The following PRDM15 variants were observed in gnomAD, a reference collection of about 807,000 sequenced individuals.
PRDM15 encodes the protein PR/SET domain 15, also known as PR domain zinc finger protein 15.
A neutral mutation model predicts 128.6 loss-of-function variants in PRDM15; 64 were observed. The ratio of observed to expected loss-of-function variants is 0.50; its 90% CI spans 0.41 to 0.61. PRDM15 has a LOEUF of 0.61. PRDM15 is among the 20% of genes least tolerant of loss of function. The pLI is 0.00. For missense variants in PRDM15, 1,242 were observed against 1,569.1 expected, an observed-to-expected ratio of 0.79 and a Z score of 3.52; for synonymous variants, 615 against 621.8, an observed-to-expected ratio of 0.99 and a Z score of 0.16.
intron 18 of PRDM15, among the ~76,000 whole-genome samples, chr21:41,819,182 T>G (rs144995049): frequency 6.6e-6 from 1 of 152,230 alleles, no homozygotes; most frequent in Admixed American, 6.5e-5. Flanking sequence ...TTTCCTTAAG[T>G]AAGCGACTGA....
At chr21:41,846,799 T>G (rs1283713161) in intron 6 of PRDM15, among the ~76,000 whole-genome samples, 1 of 152,230 alleles carries the variant, frequency 6.6e-6, no homozygotes, top group Non-Finnish European at 1.5e-5. Context: ...GGCTGGCTCC[T>G]GGCCCCTGGC....
intron 19 of PRDM15, chr21:41,814,562 C>G (rs1237295148): frequency 7.5e-6 from 1 of 132,822 alleles, no homozygotes; most frequent in Non-Finnish European, 1.6e-5. Context: ...TTAGTGATTG[C>G]GCAGCGTGCT....
chr21:41,821,311 ACCAGGGCAC>A lies in PRDM15; in HGVS notation c.1897-90_1897-82del, dbSNP rs1303319957. The A allele has an allele frequency of 2.0e-6, 3 of 1,526,204 alleles. No individual in the cohort carries two copies. The African/African-American group carries it at 4.1e-5, about 21-fold the overall frequency. 94.5% of individuals were successfully genotyped at this position (1,526,204 alleles called of 1,614,324 possible). A position where few individuals can be genotyped will look rare whatever the true frequency, so the allele number is the denominator to read the frequency against. ...TTAGCTAATGAGGTCGTGTCCACAAACCAGGGCACCCGACACGCCCTGAGAGCCCATGAC... is the reference window on the plus strand; with the variant it reads ...TTAGCTAATGAGGTCGTGTCCACAAACCGACACGCCCTGAGAGCCCATGAC... On this transcript the variant is annotated intron_variant, in intron 15 of 23. Transcript: ENST00000398548. This position sits in a 1 kb window ranked among gnomAD's most constrained non-coding sequence, Gnocchi z 5.4.
At chr21:41,806,031 C>G in intron 21 of PRDM15, among the ~76,000 whole-genome samples, 1 of 133,578 alleles carries the variant, frequency 7.5e-6, no homozygotes, top group African/African-American at 2.8e-5. Flanking sequence ...CCACCACCAC[C>G]ATCACCACCA....
At chr21:41,805,500 C>A (rs529407979) in intron 21 of PRDM15, among the ~76,000 whole-genome samples, 1 of 152,266 alleles carries the variant, frequency 6.6e-6, no homozygotes, top group East Asian at 1.9e-4. Flanking sequence ...AATTTACATT[C>A]CATGACTAGG....
chr21:41,861,377 C>T (rs1170782706), intron 1 of PRDM15, among the ~76,000 whole-genome samples: 1 of 152,180 alleles, frequency 6.6e-6, no homozygotes, highest in Non-Finnish European at 1.5e-5. Flanking sequence ...ACCCCCCACA[C>T]ACATATATTC....
At position 41,854,568 on chromosome 21, in the gene PRDM15, T is replaced by G; in HGVS notation, c.536A>C (p.His179Pro). The G allele has an allele frequency of 6.2e-7, 1 of 1,612,874 alleles. No homozygotes were observed. Among genetic ancestry groups the G allele is most frequent in the Non-Finnish European group, 8.5e-7 (1 of 1,179,952 alleles). ...PMLKQAGSGV[H>P]AAGTPENSAP... The stretch of plus-strand genomic sequence containing the variant: ...CCGGATCGGGGGCCGCCACATACCG[T>G]GGACGCCAGAGCCGGCCTGCTTCAG... The change falls in exon 5 of 24, where the codon CAC (histidine) becomes CCC (proline). Residue 179 changes from histidine to proline, a missense_variant and splice_region_variant. His to Pro is a moderately conservative substitution (Grantham distance 77). Coordinates refer to ENST00000398548, the MANE Select transcript of PRDM15 (RefSeq NM_001040424.3). The surrounding 1 kb of genome is among the most constrained non-coding windows in gnomAD (Gnocchi z 4.6).
At chr21:41,808,361 T>C (rs1006347161) in intron 21 of PRDM15, among the ~76,000 whole-genome samples, 2 of 152,180 alleles carry the variant, frequency 1.3e-5, no homozygotes, top group African/African-American at 4.8e-5. Context: ...CAGGGCAGAG[T>C]ATGCAGCCAC....
chr21:41,862,601 T>G lies in PRDM15; in HGVS notation c.-9-2229A>C, dbSNP rs2063857186. On this transcript the variant is annotated intron_variant, in intron 1 of 23. Coordinates refer to ENST00000398548, the MANE Select transcript of PRDM15 (RefSeq NM_001040424.3). This position sits in a 1 kb window ranked among gnomAD's most constrained non-coding sequence, Gnocchi z 4.1. Reference sequence around the variant, plus strand: ...CGAGTCCTGGCAATAAGGGTCCCGATTAGCAGCATCTGGTCCCCAAAATGA... The same window carrying G: ...CGAGTCCTGGCAATAAGGGTCCCGAGTAGCAGCATCTGGTCCCCAAAATGA... Among the ~76,000 whole-genome samples, 1 of 152,156 alleles carries G rather than the reference T, an allele frequency of 6.6e-6. No homozygotes were observed. Among genetic ancestry groups the G allele is most frequent in the Admixed American group, 6.5e-5 (1 of 15,270 alleles).
intron 1 of PRDM15, chr21:41,861,998 G>A: frequency 6.2e-7 from 1 of 1,612,370 alleles, no homozygotes; most frequent in Non-Finnish European, 8.5e-7. Context: ...GGCCTTGCCT[G>A]CCCCAGTTCC....
intron 1 of PRDM15, among the ~76,000 whole-genome samples, chr21:41,864,158 G>A (rs919351249): frequency 2.0e-5 from 3 of 152,084 alleles, no homozygotes; most frequent in African/African-American, 7.2e-5. Flanking sequence ...TTTTTACAAA[G>A]ACAAAAGCGG....
chr21:41,804,559 T>A lies in PRDM15; in HGVS notation c.2708A>T (p.Asp903Val). Residue 903 changes from aspartate (D) to valine (V), a missense_variant, in exon 22 of 24, where the codon GAC (aspartate) becomes GTC (valine). Physicochemically the swap from Asp to Val is radical, Grantham distance 152. Around this residue, in one of 3 missense-constraint regions of PRDM15, gnomAD observed 602 missense variants for 788.3 expected, o/e 0.76. Coordinates refer to ENST00000398548, the MANE Select transcript of PRDM15 (RefSeq NM_001040424.3). ...CTGGACGATGCCAATGGAGGAGGCG[T>A]CGATGGTGGTGGTCTCCGGGAGGTG... ...LDHLPETTTIDASSIGIVQPE... is the reference protein window; with the variant it reads ...LDHLPETTTIVASSIGIVQPE... The A allele has an allele frequency of 6.4e-7, 1 of 1,570,560 alleles. No individual in the cohort carries two copies. Among genetic ancestry groups the A allele is most frequent in the East Asian group, 2.3e-5 (1 of 43,154 alleles).
At chr21:41,824,730 C>G (rs1352196804) in intron 13 of PRDM15, among the ~76,000 whole-genome samples, 1 of 152,254 alleles carries the variant, frequency 6.6e-6, no homozygotes, top group African/African-American at 2.4e-5. Context: ...CCCTGCCCCT[C>G]CAGCCCACAG....
At chr21:41,874,525 A>ATATATATATATATTT in intron 1 of PRDM15, among the ~76,000 whole-genome samples, 1 of 95,826 alleles carries the variant, frequency 1.0e-5, no homozygotes, top group Non-Finnish European at 2.0e-5. Flanking sequence ...ATATATATAT[A>ATATATATATATATTT]TTTTTTTTTT....
rs1045555946 is a variant in PRDM15, at chr21:41,821,850, C to T, written c.1896+53G>A. 1.8e-5 allele frequency: 29 copies of T among 1,607,648 alleles called. No individual in the cohort carries two copies. Among genetic ancestry groups the T allele is most frequent in the East Asian group, 8.9e-5 (4 of 44,824 alleles). On this transcript the variant is annotated intron_variant, in intron 15 of 23. Transcript: ENST00000398548. This position sits in a 1 kb window ranked among gnomAD's most constrained non-coding sequence, Gnocchi z 5.4. The stretch of plus-strand genomic sequence containing the variant: ...CTGTGTGGGGCCCACAGCCTTGAAA[C>T]GACCACCTTCCTCTCCAGACCACCC...
At chr21:41,866,128 G>A (rs112088705) in intron 1 of PRDM15, among the ~76,000 whole-genome samples, 5 of 152,184 alleles carry the variant, frequency 3.3e-5, no homozygotes, top group African/African-American at 9.6e-5. Flanking sequence ...TATTTTGTAT[G>A]TAGCACCCTA....
At chr21:41,871,980 C>T (rs956910023) in intron 1 of PRDM15, 2 of 183,774 alleles carry the variant, frequency 1.1e-5, no homozygotes, top group Non-Finnish European at 2.2e-5. Context: ...GAACATCGGG[C>T]CCTTTTATTT....
intron 4 of PRDM15, 106 bp downstream of exon 4, chr21:41,857,070 G>C: frequency 9.8e-7 from 1 of 1,017,892 alleles, no homozygotes; most frequent in Non-Finnish European, 1.5e-6. Context: ...CTGTTTTTGA[G>C]GCATTTATAA....
intron 12 of PRDM15, among the ~76,000 whole-genome samples, chr21:41,827,059 A>G (rs28415259): frequency 0.91 from 138,702 of 152,196 alleles, 63,362 homozygotes; most frequent in African/African-American, 0.95. Context: ...AATGCTAGGG[A>G]TTCAGGTCTG....
Sources: allele counts gnomAD v4.1 joint callset (sites outside exome capture counted in the v4.1 genomes callset), GRCh38; gene constraint gnomAD v4.1.1; regional missense constraint gnomAD v4.1.1; non-coding constraint Gnocchi (gnomAD v3.1); transcripts MANE v1.5; gene names NCBI Gene and HGNC (gene_info 2026-07-23, HGNC 2026-07-21).